The following SLIT2 variants were observed in gnomAD, a reference collection of about 807,000 sequenced individuals.
SLIT2 encodes slit homolog 2 protein.
Under a neutral mutation model 185.7 loss-of-function variants are expected in SLIT2, and 41 were observed. The observed-to-expected ratio is 0.22, with a 90% CI of 0.17 to 0.29. SLIT2 has a LOEUF of 0.29. Ranked by LOEUF, SLIT2 falls within the 10% of genes least tolerant of loss-of-function variation. The pLI is 1.00. For missense variants in SLIT2, 1,571 were observed against 1,909.0 expected (o/e 0.82, Z 3.30); for synonymous variants, 693 against 680.2 (o/e 1.02, Z -0.29).
intron 18 of SLIT2, among the ~76,000 whole-genome samples, chr4:20,534,384 A>G (rs1356190785): frequency 6.6e-6 from 1 of 152,158 alleles, no homozygotes; most frequent in Non-Finnish European, 1.5e-5. Flanking sequence ...AAAAAATTAT[A>G]TATGTTTCCA....
chr4:20,614,209 G>A (rs1156538867), intron 34 of SLIT2, among the ~76,000 whole-genome samples: 1 of 152,036 alleles, frequency 6.6e-6, no homozygotes, highest in East Asian at 1.9e-4. Context: ...TTTTCTGTCT[G>A]TAGTCCAACT....
intron 4 of SLIT2, among the ~76,000 whole-genome samples, chr4:20,289,598 A>G (rs1043990392): frequency 2.6e-5 from 4 of 152,220 alleles, no homozygotes; most frequent in African/African-American, 9.6e-5. Context: ...TTCTCACAGA[A>G]ACCCTATGGT....
chr4:20,503,148 T>C (rs1369452104), intron 9 of SLIT2, among the ~76,000 whole-genome samples: 1 of 152,188 alleles, frequency 6.6e-6, no homozygotes, highest in African/African-American at 2.4e-5. Flanking sequence ...ATGTTATAGA[T>C]TGATGATTAA....
intron 8 of SLIT2, 101 bp from the exon 9 acceptor site, chr4:20,491,660 T>C (rs995419080): frequency 2.0e-6 from 2 of 976,986 alleles, no homozygotes; most frequent in Non-Finnish European, 3.1e-6. Context: ...TTTAAAGAGA[T>C]TTATTTATGT....
intron 4 of SLIT2, among the ~76,000 whole-genome samples, chr4:20,391,235 G>GT (rs1725390034): frequency 6.6e-6 from 1 of 152,008 alleles, no homozygotes; most frequent in African/African-American, 2.4e-5. Context: ...TAACCTGATA[G>GT]TTTTTAAAAG....
intron 3 of SLIT2, among the ~76,000 whole-genome samples, chr4:20,262,985 C>T (rs1212381253): frequency 1.3e-5 from 2 of 151,832 alleles, no homozygotes; most frequent in East Asian, 3.9e-4. Context: ...GTTTTGGGTC[C>T]TCTTTTGTGA....
chr4:20,581,056 C>G (rs1432180427), intron 29 of SLIT2, among the ~76,000 whole-genome samples: 1 of 152,156 alleles, frequency 6.6e-6, no homozygotes, highest in Non-Finnish European at 1.5e-5. Context: ...TATTGTTTTG[C>G]TAGGGCTGCC....
intron 26 of SLIT2, among the ~76,000 whole-genome samples, chr4:20,560,400 A>G (rs1322993780): frequency 2.6e-5 from 4 of 152,004 alleles, no homozygotes; most frequent in Non-Finnish European, 5.9e-5. Flanking sequence ...CATAACAGAA[A>G]TAAATGAACA....
chr4:20,346,028 C>G (rs1425329224), intron 4 of SLIT2, among the ~76,000 whole-genome samples: 6 of 150,336 alleles, frequency 4.0e-5, no homozygotes, highest in African/African-American at 1.5e-4. Flanking sequence ...GAGTCTTTCT[C>G]TGCCACCCAG....
At chr4:20,490,739 A>G (rs951084406) in intron 8 of SLIT2, 5 of 1,095,828 alleles carry the variant, frequency 4.6e-6, no homozygotes, top group Non-Finnish European at 6.7e-6. Context: ...TAAATAATGA[A>G]ATGACTAACA....
chr4:20,496,979 C>CAAAAA (rs987437727), intron 9 of SLIT2, among the ~76,000 whole-genome samples: 5 of 151,790 alleles, frequency 3.3e-5, no homozygotes, highest in Non-Finnish European at 7.4e-5. Flanking sequence ...TAGCATGGGC[C>CAAAAA]AAAATGGGTC....
chr4:20,421,444 T>C (rs1380214456), intron 4 of SLIT2, among the ~76,000 whole-genome samples: 3 of 152,206 alleles, frequency 2.0e-5, no homozygotes, highest in African/African-American at 7.2e-5. Flanking sequence ...ATGTCTCTTC[T>C]TCATTGTTGA....
intron 4 of SLIT2, among the ~76,000 whole-genome samples, chr4:20,465,649 A>G (rs1577708742): frequency 6.6e-6 from 1 of 152,314 alleles, no homozygotes; most frequent in Admixed American, 6.5e-5. Flanking sequence ...GGATTTAGCT[A>G]TTTGATGCCC....
intron 24 of SLIT2, among the ~76,000 whole-genome samples, chr4:20,549,849 A>T (rs1232295566): frequency 6.6e-6 from 1 of 152,008 alleles, no homozygotes; most frequent in Non-Finnish European, 1.5e-5. Context: ...ACCAGAACTG[A>T]TTCAATCATC....
intron 24 of SLIT2, among the ~76,000 whole-genome samples, chr4:20,549,823 TG>T (rs1241443075): frequency 2.6e-5 from 4 of 151,976 alleles, no homozygotes; most frequent in Non-Finnish European, 4.4e-5. Context: ...TAGAGACTGT[TG>T]TATTGGTGGG....
At chr4:20,388,588 A>G (rs546747395) in intron 4 of SLIT2, among the ~76,000 whole-genome samples, 188 of 151,958 alleles carry the variant, frequency 1.2e-3, no homozygotes, top group Non-Finnish European at 2.2e-3. Context: ...AGCCTGGCCA[A>G]CATGGCAAAA....
At chr4:20,375,986 T>C (rs1169099692) in intron 4 of SLIT2, among the ~76,000 whole-genome samples, 1 of 151,936 alleles carries the variant, frequency 6.6e-6, no homozygotes, top group Non-Finnish European at 1.5e-5. Flanking sequence ...ATTTAAGCAG[T>C]ACATTTAGAG....
chr4:20,523,903 T>C lies in SLIT2; in HGVS notation c.1274T>C (p.Met425Thr), dbSNP rs1481494872. The change falls in exon 13 of 37, where the codon ATG becomes ACG. Residue 425 changes from methionine (M) to threonine (T), a missense_variant and splice_region_variant. Transcript: ENST00000504154. ...TCACCTCTTCGGGCCATTCAAACTATGTATGTATAAGTGATTTGGATCACT... is the reference window on the plus strand; with the variant it reads ...TCACCTCTTCGGGCCATTCAAACTACGTATGTATAAGTGATTTGGATCACT... ...TFSPLRAIQT[M>T]HLAQNPFICD... 6 of 1,613,968 alleles carry C rather than the reference T, an allele frequency of 3.7e-6. No homozygotes were observed. Among genetic ancestry groups the C allele is most frequent in the Non-Finnish European group, 4.2e-6 (5 of 1,179,990 alleles).
intron 4 of SLIT2, among the ~76,000 whole-genome samples, chr4:20,360,104 C>T (rs1051828113): frequency 3.9e-5 from 6 of 152,142 alleles, no homozygotes; most frequent in African/African-American, 1.4e-4. Context: ...TCCCTCTCTA[C>T]ACTTTAATCT....
Sources: allele counts gnomAD v4.1 joint callset (sites outside exome capture counted in the v4.1 genomes callset), GRCh38; gene constraint gnomAD v4.1.1; transcripts MANE v1.5; gene names NCBI Gene and HGNC (gene_info 2026-07-23, HGNC 2026-07-21).